The following MEF2A variants were observed in gnomAD, a reference collection of about 807,000 sequenced individuals.
The protein encoded by MEF2A is myocyte enhancer factor 2A, also known as myocyte-specific enhancer factor 2A.
Under a neutral mutation model 55.8 loss-of-function variants are expected in MEF2A, and 28 were observed. That is an observed-to-expected ratio of 0.50 (90% CI 0.37 to 0.69). The LOEUF (loss-of-function observed/expected upper bound fraction) is 0.69, where lower values mean the gene tolerates loss of function less well. Among genes scored for constraint, MEF2A ranks in the 30% least tolerant of loss-of-function variants. The pLI is 0.00. For synonymous variants in MEF2A, 239 were observed against 227.1 expected (o/e 1.05, Z -0.47); for missense variants, 528 against 626.2 (o/e 0.84, Z 1.67).
chr15:99,623,658 C>G (rs2041603757), intron 2 of MEF2A, among the ~76,000 whole-genome samples: 1 of 152,148 alleles, frequency 6.6e-6, no homozygotes, highest in Non-Finnish European at 1.5e-5. Context: ...TGTTGAGCAT[C>G]TTTTCATAGG....
chr15:99,633,768 G>C (rs1265078780), intron 3 of MEF2A, among the ~76,000 whole-genome samples: 2 of 152,142 alleles, frequency 1.3e-5, no homozygotes, highest in Non-Finnish European at 2.9e-5. Flanking sequence ...TATATGAAGA[G>C]GCCAGAAGTT....
intron 8 of MEF2A, among the ~76,000 whole-genome samples, chr15:99,694,269 G>T (rs1393174557): frequency 6.6e-6 from 1 of 152,156 alleles, no homozygotes; most frequent in Admixed American, 6.5e-5. Context: ...GTGGTTGTTG[G>T]TTTGACTGAG....
At chr15:99,691,842 C>T (rs895435212) in intron 8 of MEF2A, among the ~76,000 whole-genome samples, 2 of 152,166 alleles carry the variant, frequency 1.3e-5, no homozygotes, top group Non-Finnish European at 2.9e-5. Flanking sequence ...ATAAAGAATG[C>T]AGGTAGCCTC....
intron 1 of MEF2A, among the ~76,000 whole-genome samples, chr15:99,585,694 T>G (rs1397074677): frequency 7.7e-6 from 1 of 129,892 alleles, no homozygotes; most frequent in Non-Finnish European, 1.8e-5. Flanking sequence ...CTGAGCACAT[T>G]ACATGCTTAC....
At position 99,598,526 on chromosome 15, in the gene MEF2A, C is replaced by A. The variant is rs1971982491; in HGVS notation, c.-143+15C>A. On this transcript the variant is annotated intron_variant, in intron 2 of 11. Transcript: ENST00000557942. ...CTTCATTTCTAGTAAGACATTTTTT[C>A]TTTTCTATGTTAAGTAGATACAATG... 6.6e-6 allele frequency: 1 copy of A among 151,656 alleles called. No homozygotes were observed. Among genetic ancestry groups the A allele is most frequent in the Admixed American group, 6.6e-5 (1 of 15,238 alleles). The allele number at this position is 151,656 out of a possible 1,614,324, so 9.4% of individuals were successfully genotyped here. A position where few individuals can be genotyped will look rare whatever the true frequency, so the allele number is the denominator to read the frequency against.
intron 9 of MEF2A, among the ~76,000 whole-genome samples, chr15:99,705,262 G>T (rs113950414): frequency 6.6e-6 from 1 of 152,186 alleles, no homozygotes; most frequent in Non-Finnish European, 1.5e-5. Flanking sequence ...AGTAGACTAG[G>T]CTATGGATTA....
In MEF2A at chr15:99,673,573, A is replaced by G. The variant is rs1567398835; in HGVS notation, c.391-820A>G. 2.0e-5 allele frequency among the ~76,000 whole-genome samples: 3 copies of G among 152,334 alleles called. No homozygotes were observed. The South Asian group carries it at 6.2e-4, about 32-fold the overall frequency. ...TTTATTTTCTCCCACTTTAAATTGT[A>G]AAGAGCAACATATATTTATCGTGGT... On this transcript the variant is annotated intron_variant, in intron 5 of 11. Coordinates refer to ENST00000557942, the MANE Select transcript of MEF2A (RefSeq NM_001319206.4).
chr15:99,605,232 G>A (rs1244615303), intron 2 of MEF2A, among the ~76,000 whole-genome samples: 1 of 152,194 alleles, frequency 6.6e-6, no homozygotes, highest in Non-Finnish European at 1.5e-5. Flanking sequence ...ATAGGTGTGA[G>A]CTGCTGCGTC....
At position 99,706,812 on chromosome 15, in the gene MEF2A, G is replaced by T. The variant is rs372479689; in HGVS notation, c.966G>T (p.Pro322=). 6 of 1,613,956 alleles carry T rather than the reference G, an allele frequency of 3.7e-6. No homozygotes were observed. The highest frequency in any genetic ancestry group is 3.3e-5 in the South Asian group (3 of 91,088). The change falls in exon 10 of 12, where the codon CCG becomes CCT. Residue 322 remains proline (P), a synonymous_variant. Transcript: ENST00000557942. ...CTGTGACAACCCCAAGCTTGCCTCC[G>T]CAAGGACTTGTGTACTCAGCAATGC... ...VVSVTTPSLP[P]QGLVYSAMPT... is the part of the protein sequence containing the mutation.
intron 4 of MEF2A, among the ~76,000 whole-genome samples, chr15:99,649,879 T>C (rs1419630631): frequency 6.6e-6 from 1 of 152,218 alleles, no homozygotes; most frequent in Non-Finnish European, 1.5e-5. Context: ...TTTGTATCCA[T>C]GTTTTTTCCT....
intron 2 of MEF2A, among the ~76,000 whole-genome samples, chr15:99,616,388 G>A (rs2040196902): frequency 6.6e-6 from 1 of 152,088 alleles, no homozygotes; most frequent in African/African-American, 2.4e-5. Context: ...TGATCTTGCT[G>A]TAATCACTCT....
intron 4 of MEF2A, among the ~76,000 whole-genome samples, chr15:99,668,474 G>A (rs1218172028): frequency 6.6e-6 from 1 of 152,146 alleles, no homozygotes; most frequent in African/African-American, 2.4e-5. Context: ...TGTTGGAATG[G>A]CATTGAAAAA....
At chr15:99,675,519 G>T in intron 7 of MEF2A, 61 bp downstream of exon 7, 1 of 1,402,286 alleles carries the variant, frequency 7.1e-7, no homozygotes, top group South Asian at 1.2e-5. Flanking sequence ...TCAAAGGAAT[G>T]TTGTTCCTGA....
At chr15:99,683,755 C>T (rs796278213) in intron 7 of MEF2A, among the ~76,000 whole-genome samples, 15 of 147,998 alleles carry the variant, frequency 1.0e-4, no homozygotes, top group African/African-American at 3.7e-4. Flanking sequence ...TTTGGGGGAA[C>T]AAGTGGTGTT....
At chr15:99,588,261 C>A (rs550862483) in intron 1 of MEF2A, among the ~76,000 whole-genome samples, 1 of 152,008 alleles carries the variant, frequency 6.6e-6, no homozygotes, top group East Asian at 1.9e-4. Context: ...GGACCACAGG[C>A]GTGTGCCACC....
chr15:99,625,851 A>G (rs576286869), intron 2 of MEF2A, among the ~76,000 whole-genome samples: 5 of 152,220 alleles, frequency 3.3e-5, no homozygotes, highest in African/African-American at 1.2e-4. Context: ...TCCTTTTAAT[A>G]TTCGGTAGAA....
intron 8 of MEF2A, among the ~76,000 whole-genome samples, chr15:99,698,707 G>A (rs961416235): frequency 1.3e-4 from 19 of 151,826 alleles, no homozygotes; most frequent in Non-Finnish European, 2.4e-4. Flanking sequence ...CAGGAGAATC[G>A]CTTGAACCCA....
chr15:99,601,842 TGTGTGTGTGTGTGTGTCA>T (rs1305360368), intron 2 of MEF2A, among the ~76,000 whole-genome samples: 21 of 105,446 alleles, frequency 2.0e-4, no homozygotes, highest in African/African-American at 5.6e-4. Context: ...TGTGTGTGTG[TGTGTGTGTGTGTGTGTCA>T]GGGTAATGCT....
intron 2 of MEF2A, among the ~76,000 whole-genome samples, chr15:99,604,073 GT>G (rs1974248164): frequency 6.6e-6 from 1 of 152,120 alleles, no homozygotes; most frequent in South Asian, 2.1e-4. Flanking sequence ...CAGTATGTAA[GT>G]TTTCTATTTT....
Sources: allele counts gnomAD v4.1 joint callset (sites outside exome capture counted in the v4.1 genomes callset), GRCh38; gene constraint gnomAD v4.1.1; transcripts MANE v1.5; gene names NCBI Gene and HGNC (gene_info 2026-07-23, HGNC 2026-07-21).